SYNE2: variants seen among roughly 807,000 people sequenced by gnomAD.
The protein encoded by SYNE2 is nesprin-2.
Under a neutral mutation model 856.3 loss-of-function variants are expected in SYNE2, and 431 were observed. That is an observed-to-expected ratio of 0.50 (90% confidence interval 0.47 to 0.55). The LOEUF is 0.55. Ranked by LOEUF, SYNE2 falls within the 20% of genes least tolerant of loss-of-function variation. The pLI is 0.00. For missense variants in SYNE2, 8,129 were observed against 8,023.2 expected, an observed-to-expected ratio of 1.01 and a Z score of -0.50; for synonymous variants, 2,923 against 2,872.3, an observed-to-expected ratio of 1.02 and a Z score of -0.56.
intron 32 of SYNE2, among the ~76,000 whole-genome samples, chr14:64,012,066 AAT>A (rs2096850579): frequency 6.6e-6 from 1 of 152,090 alleles, no homozygotes; most frequent in South Asian, 2.1e-4. Flanking sequence ...TGAGAGTCTA[AAT>A]ATGTTTCTCT....
intron 1 of SYNE2, among the ~76,000 whole-genome samples, chr14:63,855,727 T>C (rs1200010760): frequency 6.6e-6 from 1 of 152,252 alleles, no homozygotes; most frequent in Non-Finnish European, 1.5e-5. Context: ...CTATATCATA[T>C]GTTGCTTGTT....
chr14:63,980,112 A>G (rs2096574584), intron 14 of SYNE2, among the ~76,000 whole-genome samples: 1 of 152,180 alleles, frequency 6.6e-6, no homozygotes, highest in African/African-American at 2.4e-5. Flanking sequence ...TCATTTTTCT[A>G]TTTAAATATT....
chr14:63,877,269 A>T (rs2094746321), intron 1 of SYNE2, among the ~76,000 whole-genome samples: 1 of 152,220 alleles, frequency 6.6e-6, no homozygotes, highest in Non-Finnish European at 1.5e-5. Flanking sequence ...ACTTGGAGAA[A>T]AAAATGAGAG....
Position 63,976,608 on chromosome 14 carries a change from C to G in SYNE2, c.1174C>G (p.Leu392Val), listed in dbSNP as rs763109107. 6.2e-7 allele frequency: 1 copy of G among 1,611,746 alleles called. No homozygotes were observed. Among genetic ancestry groups the G allele is most frequent in the Non-Finnish European group, 8.5e-7 (1 of 1,179,688 alleles). The change falls in exon 12 of 116, where the codon CTC (leucine) becomes GTC (valine). Residue 392 changes from leucine to valine, a missense_variant. Transcript: ENST00000555002. ...IKLNYALPPP[L>V]HQTEAWLQEV... ...GCTAAATTATGCCTTGCCCCCACCCCTCCATCAAACTGAAGCTTGGCTCCA... is the reference window on the plus strand; with the variant it reads ...GCTAAATTATGCCTTGCCCCCACCCGTCCATCAAACTGAAGCTTGGCTCCA...
chr14:63,961,752 A>C (rs2096317782), intron 9 of SYNE2, 127 bp downstream of exon 9: 1 of 719,942 alleles, frequency 1.4e-6, no homozygotes, highest in East Asian at 2.8e-5. Context: ...ACACCCCTGT[A>C]AATCATACTT....
chr14:63,771,644 A>C (rs1475390305), intron 1 of SYNE2, among the ~76,000 whole-genome samples: 2 of 152,148 alleles, frequency 1.3e-5, no homozygotes, highest in African/African-American at 2.4e-5. Flanking sequence ...TACGCCTGTA[A>C]TCCCAGTATT....
intron 39 of SYNE2, 64 bp downstream of exon 39, chr14:64,024,523 C>T: frequency 6.7e-7 from 1 of 1,482,248 alleles, no homozygotes; most frequent in Non-Finnish European, 9.3e-7. Context: ...TGTACTCTGC[C>T]TCAGCGCAGA....
At chr14:64,007,631 C>A (rs1220136113) in intron 31 of SYNE2, among the ~76,000 whole-genome samples, 1 of 152,164 alleles carries the variant, frequency 6.6e-6, no homozygotes, top group Admixed American at 6.5e-5. Flanking sequence ...AATCCCAGCA[C>A]TTTGTGAGGC....
chr14:63,953,702 T>C (rs1387577664), intron 7 of SYNE2, among the ~76,000 whole-genome samples: 1 of 152,212 alleles, frequency 6.6e-6, no homozygotes, highest in Non-Finnish European at 1.5e-5. Flanking sequence ...TCACCAGAAC[T>C]TTTTTCCTTT....
rs746340643 is a variant in SYNE2 at position 64,070,846 on chromosome 14, T to G, written c.10633T>G (p.Ser3545Ala). The stretch of plus-strand genomic sequence containing the variant: ...AAGTATCCAGAATGTTCCTGAAAGC[T>G]CAGGGGCTGTGGAAACTGTTCCAGC... ...IRSIQNVPES[S>A]GAVETVPAFQ... is the part of the protein sequence containing the mutation. Residue 3545 changes from serine (S) to alanine (A), a missense_variant, in exon 52 of 116, where the codon TCA becomes GCA. Ser to Ala is a moderately conservative substitution (Grantham distance 99). Coordinates refer to ENST00000555002, the MANE Select transcript of SYNE2 (RefSeq NM_182914.3). 3 of 1,614,220 alleles carry G rather than the reference T, an allele frequency of 1.9e-6. No individual in the cohort carries two copies. Among genetic ancestry groups the G allele is most frequent in the Non-Finnish European group, 2.5e-6 (3 of 1,180,030 alleles).
At chr14:63,999,250 C>G (rs1462698943) in intron 27 of SYNE2, among the ~76,000 whole-genome samples, 1 of 152,132 alleles carries the variant, frequency 6.6e-6, no homozygotes, top group African/African-American at 2.4e-5. Flanking sequence ...GGTTTAGGGT[C>G]TTAATTTACT....
chr14:63,922,812 C>T (rs2095616715), intron 2 of SYNE2, among the ~76,000 whole-genome samples: 1 of 152,156 alleles, frequency 6.6e-6, no homozygotes, highest in Non-Finnish European at 1.5e-5. Context: ...AGCCCTGAAT[C>T]AGAATCTCTG....
chr14:64,158,774 A>T lies in SYNE2; in HGVS notation c.15942A>T (p.Arg5314Ser), dbSNP rs750437224. ...TGGTGTTATCATTGGAGACCTTGAG[A>T]TGCCAGGTGGAGAACCTTCAGGTAA... is the stretch of plus-strand genomic sequence containing the variant. ...KPVVLSLETL[R>S]CQVENLQSLQ... The change falls in exon 86 of 116, where the codon AGA becomes AGT. Residue 5314 changes from arginine (R) to serine (S), a missense_variant. Arg to Ser is a moderately radical substitution (Grantham distance 110, BLOSUM62 -1). This residue lies in a region of SYNE2 where 5,410 missense variants were observed against 5,284.8 expected (regional missense o/e 1.02). Transcript: ENST00000555002. The T allele has an allele frequency of 6.2e-7, 1 of 1,613,966 alleles. No individual in the cohort carries two copies. Among genetic ancestry groups the T allele is most frequent in the Non-Finnish European group, 8.5e-7 (1 of 1,179,876 alleles).
chr14:64,096,404 A>G (rs1326141449), intron 61 of SYNE2, among the ~76,000 whole-genome samples: 1 of 152,236 alleles, frequency 6.6e-6, no homozygotes, highest in Non-Finnish European at 1.5e-5. Flanking sequence ...TAGTATTATG[A>G]AAATGATCTG....
chr14:63,860,482 A>G lies in SYNE2; in HGVS notation c.-52+7339A>G, dbSNP rs1045782939. Among the ~76,000 whole-genome samples the G allele has an allele frequency of 2.6e-5, 4 of 152,254 alleles. No individual in the cohort carries two copies. In the South Asian group the frequency reaches 8.3e-4, roughly 32 times the overall value. On this transcript the variant is annotated intron_variant, in intron 1 of 115. Coordinates refer to ENST00000555002, the MANE Select transcript of SYNE2 (RefSeq NM_182914.3). ...TGTGTGAGATGAAAAGCACTTGCTA[A>G]TAGCCCCTCAGGTCAAAGTAACACA...
At position 63,961,245 on chromosome 14, in the gene SYNE2, G is replaced by A. The variant is rs188787220; in HGVS notation, c.788-280G>A. On this transcript the variant is annotated intron_variant, in intron 8 of 115. Coordinates refer to ENST00000555002, the MANE Select transcript of SYNE2 (RefSeq NM_182914.3). ...TCCTCTCTGACTACTTATGCCTTCAGACATACCCCATAGTGATACTTTATT... is the reference window on the plus strand; with the variant it reads ...TCCTCTCTGACTACTTATGCCTTCAAACATACCCCATAGTGATACTTTATT... 1.2e-4 allele frequency among the ~76,000 whole-genome samples: 19 copies of A among 152,300 alleles called. No individual in the cohort carries two copies. The East Asian group carries it at 1.7e-3, about 14-fold the overall frequency.
chr14:63,940,825 A>C, intron 3 of SYNE2, 150 bp downstream of exon 3: 1 of 719,856 alleles, frequency 1.4e-6, no homozygotes, highest in South Asian at 1.7e-5. Flanking sequence ...AATGTGCTAA[A>C]AGTTGTCTTG....
At position 64,138,962 on chromosome 14, in the gene SYNE2, T is replaced by TATG. The variant is rs1595781091; in HGVS notation, c.14843+979_14844-978insATG. On this transcript the variant is annotated intron_variant, in intron 79 of 115. Coordinates refer to ENST00000555002, the MANE Select transcript of SYNE2 (RefSeq NM_182914.3). ...TGTATGTATGGTGTGTGTGTGTGTG[T>TATG]GTGTGTGTGTGTGTGTGTATGTAAT... is the stretch of plus-strand genomic sequence containing the variant. Among the ~76,000 whole-genome samples, 11 of 149,942 alleles carry TATG rather than the reference T, an allele frequency of 7.3e-5. No individual in the cohort carries two copies. In the East Asian group the frequency reaches 2.1e-3, roughly 29 times the overall value.
chr14:63,868,971 G>C (rs1340646718), intron 1 of SYNE2, among the ~76,000 whole-genome samples: 1 of 152,158 alleles, frequency 6.6e-6, no homozygotes, highest in Non-Finnish European at 1.5e-5. Flanking sequence ...CAAAACAAAT[G>C]TTTCCATTTC....
Sources: gnomAD v4.1 joint callset for allele counts (sites outside exome capture counted in the v4.1 genomes callset) on GRCh38, gnomAD v4.1.1 for gene constraint, gnomAD v4.1.1 regional missense constraint, MANE v1.5 for transcripts, NCBI Gene and HGNC (gene_info 2026-07-23, HGNC 2026-07-21) for gene names.